Variants in G2E3 observed in about 807,000 individuals in gnomAD.
G2E3 encodes the protein G2/M phase-specific E3 ubiquitin-protein ligase.
In G2E3, 35 loss-of-function variants were observed where a neutral mutation model predicts 92.8. The ratio of observed to expected loss-of-function variants is 0.38; its 90% CI spans 0.29 to 0.50. The LOEUF is 0.50. G2E3 is among the 20% of genes least tolerant of loss of function. G2E3 has a pLI of 0.94. For synonymous variants in G2E3, 242 were observed against 272.4 expected (o/e 0.89, Z 1.10); for missense variants, 554 against 823.8 (o/e 0.67, Z 4.01).
chr14:30,590,763 G>A (rs7154847), intron 4 of G2E3: 167,604 of 455,116 alleles, frequency 0.37, 33,211 homozygotes, highest in East Asian at 0.67. Flanking sequence ...GATGTTAAAC[G>A]TGAGATATTA....
chr14:30,560,410 C>A (rs1879023661), intron 1 of G2E3: 3 of 188,296 alleles, frequency 1.6e-5, no homozygotes, highest in East Asian at 1.3e-4. Context: ...TAAAAACATT[C>A]CTTCATCCAG....
chr14:30,592,568 A>T, intron 5 of G2E3, 121 bp downstream of exon 5: 2 of 695,670 alleles, frequency 2.9e-6, no homozygotes, highest in Non-Finnish European at 4.6e-6. Flanking sequence ...TAGATATAAC[A>T]TTATATGTAT....
At chr14:30,585,653 T>A (rs1880674549) in intron 2 of G2E3, among the ~76,000 whole-genome samples, 2 of 152,148 alleles carry the variant, frequency 1.3e-5, no homozygotes, top group South Asian at 2.1e-4. Flanking sequence ...AACCAACTTT[T>A]TTTTTTTACT....
rs1205756871 is a variant in G2E3 at position 30,578,663 on chromosome 14, TTTATG to T, written c.-4-2410_-4-2406del. On this transcript the variant is annotated intron_variant, in intron 1 of 14. Transcript: ENST00000206595. The stretch of plus-strand genomic sequence containing the variant: ...AAAACATCCTTTATAAATTAAACTT[TTTATG>T]TTTAAGTGAAGTACTATTTATCATG... 2.7e-4 allele frequency among the ~76,000 whole-genome samples: 41 copies of T among 152,342 alleles called. 1 individual carries two copies. The highest frequency in any genetic ancestry group is 8.9e-4 in the African/African-American group (37 of 41,580).
At chr14:30,594,561 C>T (rs1166893707) in intron 6 of G2E3, among the ~76,000 whole-genome samples, 4 of 151,730 alleles carry the variant, frequency 2.6e-5, no homozygotes, top group East Asian at 1.9e-4. Context: ...GGCATGGTGG[C>T]GGGTGCCTGT....
intron 1 of G2E3, among the ~76,000 whole-genome samples, chr14:30,576,984 T>C (rs1880131525): frequency 6.6e-6 from 1 of 152,088 alleles, no homozygotes; most frequent in Non-Finnish European, 1.5e-5. Context: ...CCCAGCACTT[T>C]GGGAGGCAGA....
intron 2 of G2E3, among the ~76,000 whole-genome samples, chr14:30,585,903 A>G (rs1309987270): frequency 6.6e-6 from 1 of 152,134 alleles, no homozygotes. Context: ...ATCTCTGGGC[A>G]TGCATGTGGA....
At chr14:30,582,354 A>G (rs1451474747) in intron 2 of G2E3, among the ~76,000 whole-genome samples, 1 of 152,228 alleles carries the variant, frequency 6.6e-6, no homozygotes, top group Non-Finnish European at 1.5e-5. Context: ...GGTACAAATG[A>G]ATATAAAAAT....
At position 30,619,742 on chromosome 14, in the gene G2E3, C is replaced by T. The variant is rs1416527557; in HGVS notation, c.*3208C>T. 7.1e-6 allele frequency: 1 copy of T among 141,356 alleles called. No individual in the cohort carries two copies. Among genetic ancestry groups the T allele is most frequent in the Admixed American group, 7.0e-5 (1 of 14,258 alleles). 8.8% of individuals were successfully genotyped at this position (141,356 alleles called of 1,614,324 possible). A position where few individuals can be genotyped will look rare whatever the true frequency, so the allele number is the denominator to read the frequency against. On this transcript the variant is annotated 3_prime_UTR_variant, in exon 15 of 15. Coordinates refer to ENST00000206595, the MANE Select transcript of G2E3 (RefSeq NM_017769.5). ...GCTAGGTGATCGTTTATATGTCAGCCTATTTCCCCCCCTTTTAAAGACTGC... is the reference window on the plus strand; with the variant it reads ...GCTAGGTGATCGTTTATATGTCAGCTTATTTCCCCCCCTTTTAAAGACTGC...
chr14:30,581,475 A>G (rs1880429794), intron 2 of G2E3, among the ~76,000 whole-genome samples: 1 of 152,164 alleles, frequency 6.6e-6, no homozygotes, highest in Non-Finnish European at 1.5e-5. Context: ...ACGAGGCTGA[A>G]GCAGGCAAAT....
At chr14:30,597,398 G>A (rs1881342330) in intron 6 of G2E3, 22 bp from the exon 7 acceptor site, 3 of 1,153,072 alleles carry the variant, frequency 2.6e-6, no homozygotes, top group Admixed American at 3.4e-5. Context: ...ATTAACAGTA[G>A]ACTTTTTATT....
At chr14:30,590,323 CTT>C (rs1457003639) in intron 4 of G2E3, among the ~76,000 whole-genome samples, 1 of 151,742 alleles carries the variant, frequency 6.6e-6, no homozygotes, top group African/African-American at 2.4e-5. Flanking sequence ...GTTGTTTAGA[CTT>C]TGTTTTCCAC....
intron 1 of G2E3, chr14:30,560,202 A>C (rs921061180): frequency 2.0e-5 from 3 of 152,154 alleles, no homozygotes; most frequent in Non-Finnish European, 4.4e-5. Flanking sequence ...GAATGGTTTA[A>C]AAGTGTGCCA....
chr14:30,597,538 T>A lies in G2E3; in HGVS notation c.635+12T>A. On this transcript the variant is annotated intron_variant, in intron 7 of 14. Transcript: ENST00000206595. The stretch of plus-strand genomic sequence containing the variant: ...CATATTCCTGAAAAGTGAGTAACAT[T>A]TAGCCTTATGATAAAAAAAAGATAT... The A allele has an allele frequency of 8.3e-7, 1 of 1,207,224 alleles. No individual in the cohort carries two copies. The allele number at this position is 1,207,224 out of a possible 1,614,324, so 74.8% of individuals were successfully genotyped here. A position where few individuals can be genotyped will look rare whatever the true frequency, so the allele number is the denominator to read the frequency against.
chr14:30,603,330 A>G (rs1366148327), intron 10 of G2E3, among the ~76,000 whole-genome samples: 4 of 152,026 alleles, frequency 2.6e-5, no homozygotes, highest in Non-Finnish European at 4.4e-5. Context: ...TGTCTCAAAA[A>G]AAAAAAAAAA....
intron 4 of G2E3, chr14:30,590,697 A>G (rs1566539128): frequency 2.2e-6 from 1 of 455,964 alleles, no homozygotes; most frequent in South Asian, 1.5e-5. Flanking sequence ...CAGAGGTTCT[A>G]GGGCACAAGG....
chr14:30,614,627 C>G (rs1882233825), intron 13 of G2E3, among the ~76,000 whole-genome samples: 1 of 152,190 alleles, frequency 6.6e-6, no homozygotes, highest in South Asian at 2.1e-4. Context: ...CATTTGAAAC[C>G]ATAACATTCT....
chr14:30,563,196 G>A (rs1175926471), intron 1 of G2E3, among the ~76,000 whole-genome samples: 1 of 151,034 alleles, frequency 6.6e-6, no homozygotes, highest in Non-Finnish European at 1.5e-5. Flanking sequence ...TATGTTAGAT[G>A]TAATAAAAAG....
At chr14:30,582,634 G>A (rs1318441385) in intron 2 of G2E3, among the ~76,000 whole-genome samples, 1 of 152,240 alleles carries the variant, frequency 6.6e-6, no homozygotes, top group African/African-American at 2.4e-5. Context: ...GCGGGTAAAA[G>A]TGTAGGTATT....
Sources: allele counts gnomAD v4.1 joint callset (sites outside exome capture counted in the v4.1 genomes callset), GRCh38; gene constraint gnomAD v4.1.1; transcripts MANE v1.5; gene names NCBI Gene and HGNC (gene_info 2026-07-23, HGNC 2026-07-21).